The following EPHB6 variants were observed in gnomAD, a reference collection of about 807,000 sequenced individuals.
EPHB6 encodes EPH receptor B6.
Under a neutral mutation model 107.0 loss-of-function variants are expected in EPHB6, and 51 were observed. That is an observed-to-expected ratio of 0.48 (90% CI 0.38 to 0.60). The LOEUF (loss-of-function observed/expected upper bound fraction) is 0.60. Among genes scored for constraint, EPHB6 ranks in the 20% least tolerant of loss-of-function variants. The pLI is 0.00. For missense variants in EPHB6, 1,141 were observed against 1,355.5 expected (o/e 0.84, Z 2.48); for synonymous variants, 553 against 549.0 (o/e 1.01, Z -0.10).
chr7:142,865,664 A>G, intron 8 of EPHB6, 34 bp downstream of exon 8: 1 of 1,609,200 alleles, frequency 6.2e-7, no homozygotes, highest in Non-Finnish European at 8.5e-7. Flanking sequence ...AATGGGAAAG[A>G]GACTTGGAGA....
In EPHB6 at chr7:142,867,058, A is replaced by C. The variant is rs1390145606; in HGVS notation, c.1740A>C (p.Thr580=). The C allele has an allele frequency of 9.9e-6, 16 of 1,613,546 alleles. No individual in the cohort carries two copies. Among genetic ancestry groups the C allele is most frequent in the Admixed American group, 3.3e-5 (2 of 59,998 alleles). Residue 580 remains threonine, a synonymous_variant, in exon 11 of 20, where the codon ACA becomes ACC. Transcript: ENST00000652003. The surrounding 1 kb of genome is among the most constrained non-coding windows in gnomAD (Gnocchi z 5.3). Reference sequence around the variant, plus strand: ...ACGGGGGCAAAGTCTATTTCCAGACACTTCCTCAAGGTGAGCGGGGGTCAA... The same window carrying C: ...ACGGGGGCAAAGTCTATTTCCAGACCCTTCCTCAAGGTGAGCGGGGGTCAA... The part of the protein sequence containing the change: ...GPYGGKVYFQ[T]LPQGELSSQL...
At chr7:142,865,430 T>A (rs1337425186) in intron 7 of EPHB6, 45 bp from the exon 8 acceptor site, 2 of 1,610,562 alleles carry the variant, frequency 1.2e-6, no homozygotes, top group East Asian at 4.5e-5. Context: ...TCAGGGTGGG[T>A]GGACAGAGCG....
Position 142,863,114 on chromosome 7 carries a change from T to A in EPHB6, c.-101-13T>A. The A allele has an allele frequency of 1.2e-6, 1 of 822,096 alleles. No individual in the cohort carries two copies. Among genetic ancestry groups the A allele is most frequent in the Non-Finnish European group, 2.0e-6 (1 of 502,098 alleles). The allele number at this position is 822,096 out of a possible 1,614,324, so 50.9% of individuals were successfully genotyped here. A position where few individuals can be genotyped will look rare whatever the true frequency, so the allele number is the denominator to read the frequency against. On this transcript the variant is annotated splice_polypyrimidine_tract_variant and intron_variant, in intron 4 of 19. Transcript: ENST00000652003. Reference sequence around the variant, plus strand: ...TTCCCACCTGCCTCTTCTGGTCTTGTGTGTCTCCTCAGGAAGCAAGCTTAG... The same window carrying A: ...TTCCCACCTGCCTCTTCTGGTCTTGAGTGTCTCCTCAGGAAGCAAGCTTAG...
chr7:142,867,935 C>T lies in EPHB6; in HGVS notation c.1866-62C>T. On this transcript the variant is annotated intron_variant, in intron 12 of 19. Coordinates refer to ENST00000652003, the MANE Select transcript of EPHB6 (RefSeq NM_004445.6). This position sits in a 1 kb window ranked among gnomAD's most constrained non-coding sequence, Gnocchi z 5.3. ...GACTAAAGAGCAGTCTGGAGGGTGA[C>T]AAGGGGGCAGCAAGGGGGTGGAAAT... The T allele has an allele frequency of 1.3e-6, 2 of 1,548,226 alleles. No homozygotes were observed. The highest frequency in any genetic ancestry group is 1.7e-6 in the Non-Finnish European group (2 of 1,145,750).
In EPHB6 at chr7:142,869,997, C is replaced by T. The variant is rs933583573; in HGVS notation, c.2610+31C>T. 6.2e-7 allele frequency: 1 copy of T among 1,613,926 alleles called. No individual in the cohort carries two copies. The highest frequency in any genetic ancestry group is 1.3e-5 in the African/African-American group (1 of 74,890). On this transcript the variant is annotated intron_variant, in intron 17 of 19. Coordinates refer to ENST00000652003, the MANE Select transcript of EPHB6 (RefSeq NM_004445.6). This position sits in a 1 kb window ranked among gnomAD's most constrained non-coding sequence, Gnocchi z 4.5. Reference sequence around the variant, plus strand: ...CACTGACCTAGACACTGCTGATTTCCCACCCCGATCCCTCCCAGGTTGGAA... The same window carrying T: ...CACTGACCTAGACACTGCTGATTTCTCACCCCGATCCCTCCCAGGTTGGAA...
chr7:142,856,121 C>T (rs8177106), intron 1 of EPHB6, among the ~76,000 whole-genome samples: 4,326 of 152,284 alleles, frequency 0.028, 224 homozygotes, highest in African/African-American at 0.099. Flanking sequence ...GCCCATGGAG[C>T]GGAGCTGCTG....
Position 142,867,086 on chromosome 7 carries a change from G to T in EPHB6, c.1750+18G>T, listed in dbSNP as rs781112028. On this transcript the variant is annotated intron_variant, in intron 11 of 19. Transcript: ENST00000652003. The surrounding 1 kb of genome is among the most constrained non-coding windows in gnomAD (Gnocchi z 5.3). ...TCCTCAAGGTGAGCGGGGGTCAAGG[G>T]CCAGATGGGCAGGTGAAGGCCCAAG... 4.3e-6 allele frequency: 7 copies of T among 1,609,894 alleles called. No individual in the cohort carries two copies. In the South Asian group the frequency reaches 7.7e-5, roughly 18 times the overall value.
chr7:142,866,241 G>T lies in EPHB6; in HGVS notation c.1387G>T (p.Ala463Ser), dbSNP rs756619764. The T allele has an allele frequency of 1.4e-5, 22 of 1,614,092 alleles. No individual in the cohort carries two copies. The highest frequency in any genetic ancestry group is 1.8e-5 in the Non-Finnish European group (21 of 1,180,010). Reference protein sequence around the residue: ...AHVPYILEVQAVNGVSELSPD... With the variant: ...AHVPYILEVQSVNGVSELSPD... ...CGTACCCTACATCTTAGAGGTGCAGGCTGTTAATGGGGTGTCTGAGCTCAG... is the reference window on the plus strand; with the variant it reads ...CGTACCCTACATCTTAGAGGTGCAGTCTGTTAATGGGGTGTCTGAGCTCAG... The change falls in exon 9 of 20, where the codon GCT (alanine) becomes TCT (serine). Residue 463 changes from alanine (A) to serine (S), a missense_variant. Ala to Ser is a moderately conservative substitution (Grantham distance 99). Around this residue, in one of 3 missense-constraint regions of EPHB6, gnomAD observed 616 missense variants for 759.3 expected, o/e 0.81. Coordinates refer to ENST00000652003, the MANE Select transcript of EPHB6 (RefSeq NM_004445.6). The surrounding 1 kb of genome is among the most constrained non-coding windows in gnomAD (Gnocchi z 5.2).
Position 142,866,319 on chromosome 7 carries a change from G to A in EPHB6, c.1462+3G>A, listed in dbSNP as rs2116446728. Reference sequence around the variant, plus strand: ...CAATGTCAGCACCAGCCATGAAGGTGAGCTCTTTTCCTTGGCCTTCAGGAT... The same window carrying A: ...CAATGTCAGCACCAGCCATGAAGGTAAGCTCTTTTCCTTGGCCTTCAGGAT... On this transcript the variant is annotated splice_donor_region_variant and intron_variant, in intron 9 of 19. Coordinates refer to ENST00000652003, the MANE Select transcript of EPHB6 (RefSeq NM_004445.6). This position sits in a 1 kb window ranked among gnomAD's most constrained non-coding sequence, Gnocchi z 5.2. 1 of 1,613,786 alleles carries A rather than the reference G, an allele frequency of 6.2e-7. No individual in the cohort carries two copies. Among genetic ancestry groups the A allele is most frequent in the Non-Finnish European group, 8.5e-7 (1 of 1,179,986 alleles).
intron 7 of EPHB6, among the ~76,000 whole-genome samples, chr7:142,864,962 C>G (rs928714523): frequency 3.3e-5 from 5 of 152,226 alleles, no homozygotes; most frequent in Non-Finnish European, 4.4e-5. Context: ...CTTCTGGAGC[C>G]TTTCACAGCA....
chr7:142,869,856 A>T lies in EPHB6; in HGVS notation c.2500A>T (p.Ile834Phe). 1 of 1,614,214 alleles carries T rather than the reference A, an allele frequency of 6.2e-7. No homozygotes were observed. Among genetic ancestry groups the T allele is most frequent in the Admixed American group, 1.7e-5 (1 of 60,034 alleles). The change falls in exon 17 of 20, where the codon ATT becomes TTT. Residue 834 changes from isoleucine to phenylalanine, a missense_variant. This residue lies in a region of EPHB6 where 616 missense variants were observed against 759.3 expected (regional missense o/e 0.81). Transcript: ENST00000652003. This position sits in a 1 kb window ranked among gnomAD's most constrained non-coding sequence, Gnocchi z 4.5. The part of the protein sequence containing the change: ...CLLRWAAPEV[I>F]AHGKHTTSSD... Reference sequence around the variant, plus strand: ...GCTTCGCTGGGCAGCCCCAGAGGTCATTGCACATGGAAAGCATACAACATC... The same window carrying T: ...GCTTCGCTGGGCAGCCCCAGAGGTCTTTGCACATGGAAAGCATACAACATC...
chr7:142,864,457 C>T lies in EPHB6; in HGVS notation c.657C>T (p.Ala219=). 1 of 1,612,846 alleles carries T rather than the reference C, an allele frequency of 6.2e-7. No individual in the cohort carries two copies. Among genetic ancestry groups the T allele is most frequent in the Admixed American group, 1.7e-5 (1 of 60,018 alleles). The change falls in exon 7 of 20, where the codon GCC becomes GCT. Residue 219 remains alanine, a synonymous_variant. Coordinates refer to ENST00000652003, the MANE Select transcript of EPHB6 (RefSeq NM_004445.6). Reference sequence around the variant, plus strand: ...ACGTGGCCTTCCAGGACACGGGGGCCTGCCTGGCCCTGGTCGCTGTCAGGC... The same window carrying T: ...ACGTGGCCTTCCAGGACACGGGGGCTTGCCTGGCCCTGGTCGCTGTCAGGC... ...GFYVAFQDTG[A]CLALVAVRLF...
At chr7:142,861,371 A>C (rs976567954) in intron 2 of EPHB6, among the ~76,000 whole-genome samples, 185 bp downstream of exon 2, 7 of 152,226 alleles carry the variant, frequency 4.6e-5, no homozygotes, top group Non-Finnish European at 7.3e-5. Flanking sequence ...AATTTTAATC[A>C]ATGATTTAGT....
rs1198451871 is a variant in EPHB6, at chr7:142,865,778, C to G, written c.1105+148C>G. On this transcript the variant is annotated intron_variant, in intron 8 of 19. Coordinates refer to ENST00000652003, the MANE Select transcript of EPHB6 (RefSeq NM_004445.6). ...GCTTCCTCCCCTCCCTGTCCCCACC[C>G]CCTTCTCTCCCTGACCCATCCTTCC... 20 of 1,199,106 alleles carry G rather than the reference C, an allele frequency of 1.7e-5. No homozygotes were observed. In the East Asian group the frequency reaches 4.0e-4, roughly 24 times the overall value. The allele number at this position is 1,199,106 out of a possible 1,614,324, so 74.3% of individuals were successfully genotyped here. A position where few individuals can be genotyped will look rare whatever the true frequency, so the allele number is the denominator to read the frequency against.
In EPHB6 at chr7:142,870,276, A is replaced by G; in HGVS notation, c.2673A>G (p.Leu891=). Residue 891 remains leucine (L), a synonymous_variant, in exon 18 of 20, where the codon TTA becomes TTG. Coordinates refer to ENST00000652003, the MANE Select transcript of EPHB6 (RefSeq NM_004445.6). ...LPPPPGCPPG[L]HLLMLDTWQK... ...CGCCTCCAGGCTGTCCTCCTGGATT[A>G]CATCTACTTATGTTGGACACTTGGC... 1 of 1,614,204 alleles carries G rather than the reference A, an allele frequency of 6.2e-7. No homozygotes were observed.
At position 142,865,407 on chromosome 7, in the gene EPHB6, G is replaced by A. The variant is rs1389943131; in HGVS notation, c.950-68G>A. The A allele has an allele frequency of 4.4e-6, 7 of 1,601,802 alleles. No homozygotes were observed. In the African/African-American group the frequency reaches 9.4e-5, roughly 21 times the overall value. ...AAGGCTGCGAGGATACCTGCCTGCT[G>A]TGTGTTGGGAGCTCAGGGTGGGTGG... On this transcript the variant is annotated intron_variant, in intron 7 of 19. Transcript: ENST00000652003.
rs1051884675 is a variant in EPHB6 at position 142,869,541 on chromosome 7, A to T, written c.2461-276A>T. Among the ~76,000 whole-genome samples the T allele has an allele frequency of 6.2e-4, 94 of 152,200 alleles. No homozygotes were observed. Among genetic ancestry groups the T allele is most frequent in the Admixed American group, 2.1e-3 (32 of 15,278 alleles). On this transcript the variant is annotated intron_variant, in intron 16 of 19. Transcript: ENST00000652003. This position sits in a 1 kb window ranked among gnomAD's most constrained non-coding sequence, Gnocchi z 4.5. The stretch of plus-strand genomic sequence containing the variant: ...CTTCTGCTTCTGTGAAATGGAGATA[A>T]TATCATCCACCTTGGAGGGTTGTTA...
chr7:142,864,076 A>G lies in EPHB6; in HGVS notation c.276A>G (p.Thr92=), dbSNP rs776496596. 9 of 1,614,066 alleles carry G rather than the reference A, an allele frequency of 5.6e-6. No homozygotes were observed. Among genetic ancestry groups the G allele is most frequent in the Non-Finnish European group, 7.6e-6 (9 of 1,180,038 alleles). ...PGTGQDNWLQ[T]HFVERRGAQR... The stretch of plus-strand genomic sequence containing the variant: ...CCGGGCAGGACAATTGGTTGCAGAC[A>G]CACTTTGTGGAGCGGCGCGGGGCCC... The change falls in exon 7 of 20, where the codon ACA becomes ACG. Residue 92 remains threonine, a synonymous_variant. Transcript: ENST00000652003.
At chr7:142,858,909 G>A (rs1433872396) in intron 1 of EPHB6, among the ~76,000 whole-genome samples, 1 of 152,068 alleles carries the variant, frequency 6.6e-6, no homozygotes, top group African/African-American at 2.4e-5. Context: ...GATATTAAGT[G>A]ATATATCTAT....
Sources: allele counts gnomAD v4.1 joint callset (sites outside exome capture counted in the v4.1 genomes callset), GRCh38; gene constraint gnomAD v4.1.1; regional missense constraint gnomAD v4.1.1; non-coding constraint Gnocchi (gnomAD v3.1); transcripts MANE v1.5; gene names NCBI Gene and HGNC (gene_info 2026-07-23, HGNC 2026-07-21).